CLMP: variants seen among roughly 807,000 people sequenced by gnomAD.
CLMP encodes CXADR-like membrane protein.
A neutral mutation model predicts 45.2 loss-of-function variants in CLMP; 27 were observed. That is an observed-to-expected ratio of 0.60 (90% CI 0.44 to 0.82). The LOEUF (loss-of-function observed/expected upper bound fraction) is 0.82. Among genes scored for constraint, CLMP ranks in the 40% least tolerant of loss-of-function variants. The pLI is 0.00. For synonymous variants in CLMP, 167 were observed against 171.4 expected, an observed-to-expected ratio of 0.97 and a Z score of 0.20; for missense variants, 403 against 448.4, an observed-to-expected ratio of 0.90 and a Z score of 0.91.
chr11:123,182,245 A>T (rs1473102519), intron 1 of CLMP, among the ~76,000 whole-genome samples: 1 of 152,244 alleles, frequency 6.6e-6, no homozygotes, highest in African/African-American at 2.4e-5. Flanking sequence ...AAGACCCTAG[A>T]GAAGCTGGTG....
intron 5 of CLMP, among the ~76,000 whole-genome samples, chr11:123,079,472 G>T (rs762675463): frequency 6.6e-5 from 10 of 151,748 alleles, no homozygotes; most frequent in Admixed American, 5.3e-4. Flanking sequence ...TTTTGTTTTT[G>T]AGACGGAGTC....
At chr11:123,175,435 TGTGGGGATTACGGGTCCCTCCCTTGACAG>T (rs1861686207) in intron 1 of CLMP, among the ~76,000 whole-genome samples, 1 of 150,224 alleles carries the variant, frequency 6.7e-6, no homozygotes, top group Non-Finnish European at 1.5e-5. Flanking sequence ...TCCCTCAACA[TGTGGGGATTACGGGTCCCTCCCTTGACAG>T]GTGGGGATTA....
At chr11:123,083,238 C>G (rs544166234) in intron 4 of CLMP, 31 bp from the exon 5 acceptor site, 1 of 1,602,864 alleles carries the variant, frequency 6.2e-7, no homozygotes, top group African/African-American at 1.3e-5. Flanking sequence ...ACTGTAAATC[C>G]CTTTAGTGAT....
chr11:123,140,925 T>C (rs566378048), intron 1 of CLMP, among the ~76,000 whole-genome samples: 2 of 152,240 alleles, frequency 1.3e-5, no homozygotes, highest in Non-Finnish European at 2.9e-5. Flanking sequence ...TCCCCTCTGG[T>C]AGTGAGTTCT....
chr11:123,162,741 A>G (rs1861503369), intron 1 of CLMP, among the ~76,000 whole-genome samples: 1 of 151,720 alleles, frequency 6.6e-6, no homozygotes, highest in Admixed American at 6.6e-5. Context: ...AAAAAAAAAA[A>G]TACAAAAAAA....
chr11:123,187,365 A>C (rs934235477), intron 1 of CLMP, among the ~76,000 whole-genome samples: 2 of 152,240 alleles, frequency 1.3e-5, no homozygotes, highest in Admixed American at 6.5e-5. Context: ...GAAGTGACAG[A>C]GGTTGGGTTA....
chr11:123,129,345 A>T lies in CLMP; in HGVS notation c.29-31393T>A, dbSNP rs116111523. On this transcript the variant is annotated intron_variant, in intron 1 of 6. Transcript: ENST00000448775. ...CTCTGTCTTAATATACATATATATA[A>T]AATATATCATATGATATATTATATA... Among the ~76,000 whole-genome samples the T allele has an allele frequency of 9.8e-3, 1,402 of 143,274 alleles. 47 individuals are homozygous for T. Among genetic ancestry groups the T allele is most frequent in the African/African-American group, 0.034 (1,303 of 38,154 alleles). 94.0% of individuals were successfully genotyped at this position (143,274 alleles called of 152,430 possible). A position where few individuals can be genotyped will look rare whatever the true frequency, so the allele number is the denominator to read the frequency against.
intron 1 of CLMP, among the ~76,000 whole-genome samples, chr11:123,103,783 C>A (rs1169803282): frequency 7.4e-6 from 1 of 134,566 alleles, no homozygotes; most frequent in African/African-American, 2.8e-5. Flanking sequence ...ACTTTTTTTT[C>A]TTTTCTTTTT....
At chr11:123,130,038 G>A (rs1056786788) in intron 1 of CLMP, among the ~76,000 whole-genome samples, 6 of 151,956 alleles carry the variant, frequency 3.9e-5, no homozygotes, top group African/African-American at 1.5e-4. Context: ...AAGCCACAGA[G>A]AAGACTCTGC....
intron 1 of CLMP, among the ~76,000 whole-genome samples, chr11:123,125,547 C>T (rs1860879839): frequency 8.8e-6 from 1 of 113,316 alleles, no homozygotes; most frequent in South Asian, 3.8e-4. Context: ...CCTTCCCTCC[C>T]CTCCCCTCCC....
chr11:123,090,362 C>T (rs934967937), intron 2 of CLMP, among the ~76,000 whole-genome samples: 12 of 150,832 alleles, frequency 8.0e-5, no homozygotes, highest in East Asian at 1.9e-4. Context: ...GTGGAGGTTG[C>T]GGTGAGCCGA....
At chr11:123,192,842 T>C (rs1034804555) in intron 1 of CLMP, among the ~76,000 whole-genome samples, 1 of 152,130 alleles carries the variant, frequency 6.6e-6, no homozygotes, top group African/African-American at 2.4e-5. Context: ...GAAGCAGCCC[T>C]GGAACTGCCC....
chr11:123,073,635 C>A lies in CLMP; in HGVS notation c.961G>T (p.Asp321Tyr). Residue 321 changes from aspartate (D) to tyrosine (Y), a missense_variant, in exon 7 of 7, where the codon GAC becomes TAC. Transcript: ENST00000448775. ...ASRSQRTLST[D>Y]AAPQPGLATQ... ...GCCAGCCCTGGCTGGGGTGCTGCGTCAGTTGACAGTGTCCGCTGGCTGCGT... is the reference window on the plus strand; with the variant it reads ...GCCAGCCCTGGCTGGGGTGCTGCGTAAGTTGACAGTGTCCGCTGGCTGCGT... 1 of 1,614,230 alleles carries A rather than the reference C, an allele frequency of 6.2e-7. No homozygotes were observed. The highest frequency in any genetic ancestry group is 1.3e-5 in the African/African-American group (1 of 75,072).
At chr11:123,159,289 G>A (rs1007244286) in intron 1 of CLMP, among the ~76,000 whole-genome samples, 131 of 152,206 alleles carry the variant, frequency 8.6e-4, no homozygotes, top group African/African-American at 2.7e-3. Flanking sequence ...AGTAGATTAC[G>A]GAATTAGTCC....
intron 1 of CLMP, among the ~76,000 whole-genome samples, chr11:123,165,197 A>G (rs1861541052): frequency 6.6e-6 from 1 of 152,168 alleles, no homozygotes. Flanking sequence ...TCTGATGACA[A>G]GGCATCCCCC....
intron 1 of CLMP, among the ~76,000 whole-genome samples, chr11:123,167,410 T>C (rs61278855): frequency 0.011 from 1,690 of 152,232 alleles, 35 homozygotes; most frequent in African/African-American, 0.039. Context: ...CTCAGCCTCC[T>C]GAGTAGCTGG....
At position 123,074,717 on chromosome 11, in the gene CLMP, C is replaced by A. The variant is rs1274635319; in HGVS notation, c.806G>T (p.Arg269Ile). The change falls in exon 6 of 7, where the codon AGA becomes ATA. Residue 269 changes from arginine (R) to isoleucine (I), a missense_variant. Arg to Ile is a moderately conservative substitution (Grantham distance 97). Coordinates refer to ENST00000448775, the MANE Select transcript of CLMP (RefSeq NM_024769.5). ...KDKERYEEEE[R>I]PNEIREDAEA... The stretch of plus-strand genomic sequence containing the variant: ...GGAGGTTTACCGAATTTCATTAGGT[C>A]TCTCTTCTTCCTCATATCTTTCTTT... 1 of 1,614,008 alleles carries A rather than the reference C, an allele frequency of 6.2e-7. No individual in the cohort carries two copies. The highest frequency in any genetic ancestry group is 8.5e-7 in the Non-Finnish European group (1 of 1,179,982).
chr11:123,085,689 T>C (rs749776439), intron 2 of CLMP, among the ~76,000 whole-genome samples: 4 of 151,216 alleles, frequency 2.6e-5, no homozygotes, highest in Non-Finnish European at 5.9e-5. Context: ...AACTCACAGT[T>C]ACCCCTCTGC....
intron 2 of CLMP, among the ~76,000 whole-genome samples, chr11:123,087,214 A>G (rs1865875696): frequency 1.3e-5 from 2 of 152,132 alleles, no homozygotes; most frequent in South Asian, 4.1e-4. Flanking sequence ...GCGCATGCCT[A>G]TAATCCCAGC....
Sources: gnomAD v4.1 joint callset for allele counts (sites outside exome capture counted in the v4.1 genomes callset) on GRCh38, gnomAD v4.1.1 for gene constraint, MANE v1.5 for transcripts, NCBI Gene and HGNC (gene_info 2026-07-23, HGNC 2026-07-21) for gene names.